Variants in MAGI2 observed in about 807,000 individuals in gnomAD.
The protein encoded by MAGI2 is membrane-associated guanylate kinase, WW and PDZ domain-containing protein 2.
Under a neutral mutation model 133.3 loss-of-function variants are expected in MAGI2, and 35 were observed. The ratio of observed to expected loss-of-function variants is 0.26; its 90% CI spans 0.20 to 0.35. MAGI2 has a LOEUF of 0.35. Ranked by LOEUF, MAGI2 falls within the 10% of genes least tolerant of loss-of-function variation. MAGI2 has a pLI of 1.00. For synonymous variants in MAGI2, 729 were observed against 710.6 expected, an observed-to-expected ratio of 1.03 and a Z score of -0.41; for missense variants, 1,636 against 1,863.4, an observed-to-expected ratio of 0.88 and a Z score of 2.25.
chr7:78,045,232 G>A (rs1584931828), intron 21 of MAGI2, among the ~76,000 whole-genome samples: 1 of 149,700 alleles, frequency 6.7e-6, no homozygotes, highest in Non-Finnish European at 1.5e-5. Context: ...ATCTAAGGAT[G>A]TACTTAAATT....
At chr7:79,425,556 T>A (rs892276432) in intron 1 of MAGI2, among the ~76,000 whole-genome samples, 1 of 131,448 alleles carries the variant, frequency 7.6e-6, no homozygotes, top group Non-Finnish European at 1.5e-5. Context: ...TAGTCAGAAC[T>A]GTTTTGCAGA....
At chr7:78,064,731 G>A (rs1443695321) in intron 21 of MAGI2, among the ~76,000 whole-genome samples, 1 of 152,080 alleles carries the variant, frequency 6.6e-6, no homozygotes. Context: ...GTTAAATTGC[G>A]GCAGTAGCTA....
chr7:78,869,203 G>T (rs1323423901), intron 2 of MAGI2, among the ~76,000 whole-genome samples: 1 of 152,098 alleles, frequency 6.6e-6, no homozygotes, highest in East Asian at 1.9e-4. Flanking sequence ...TGTTTATTTT[G>T]CTGTGCAGAA....
At chr7:78,174,172 C>T (rs1224299723) in intron 14 of MAGI2, among the ~76,000 whole-genome samples, 4 of 152,128 alleles carry the variant, frequency 2.6e-5, no homozygotes, top group Non-Finnish European at 5.9e-5. Flanking sequence ...TCTTCAATTC[C>T]ATTTAATAAA....
chr7:78,126,871 T>C (rs1821038932), intron 19 of MAGI2, among the ~76,000 whole-genome samples: 1 of 152,220 alleles, frequency 6.6e-6, no homozygotes. Flanking sequence ...AGGTCCCAGG[T>C]TAGAGCATTT....
intron 2 of MAGI2, among the ~76,000 whole-genome samples, chr7:78,779,780 A>C (rs980510416): frequency 1.3e-5 from 2 of 152,186 alleles, no homozygotes; most frequent in African/African-American, 4.8e-5. Flanking sequence ...CCATTACCTC[A>C]ACCTGACTCT....
chr7:79,178,278 A>G (rs1585128221), intron 1 of MAGI2, among the ~76,000 whole-genome samples: 1 of 152,008 alleles, frequency 6.6e-6, no homozygotes, highest in African/African-American at 2.4e-5. Context: ...AAAACAGCAG[A>G]TACGTTCTAG....
chr7:79,106,933 T>C (rs1818499242), intron 1 of MAGI2, among the ~76,000 whole-genome samples: 1 of 152,226 alleles, frequency 6.6e-6, no homozygotes, highest in African/African-American at 2.4e-5. Flanking sequence ...GTTTTATGCC[T>C]CTGTACCAGC....
At chr7:78,594,545 C>T (rs1475289520) in intron 3 of MAGI2, among the ~76,000 whole-genome samples, 2 of 152,166 alleles carry the variant, frequency 1.3e-5, no homozygotes, top group Non-Finnish European at 2.9e-5. Context: ...GCAAACTCTG[C>T]CTCCCGGGTT....
At chr7:79,402,636 A>G (rs1845546479) in intron 1 of MAGI2, among the ~76,000 whole-genome samples, 1 of 152,128 alleles carries the variant, frequency 6.6e-6, no homozygotes, top group South Asian at 2.1e-4. Context: ...AAAATGAACT[A>G]CTACTATTAT....
chr7:78,804,605 C>G (rs1165690946), intron 2 of MAGI2, among the ~76,000 whole-genome samples: 1 of 150,978 alleles, frequency 6.6e-6, no homozygotes. Context: ...AAAAATTAGC[C>G]GGGCATGGTG....
At chr7:78,791,883 G>A (rs1200065582) in intron 2 of MAGI2, among the ~76,000 whole-genome samples, 1 of 151,742 alleles carries the variant, frequency 6.6e-6, no homozygotes, top group Non-Finnish European at 1.5e-5. Flanking sequence ...CACAGTAGGG[G>A]GTAGGTCAAA....
At chr7:78,909,602 CAAAAAA>C (rs1237807866) in intron 2 of MAGI2, among the ~76,000 whole-genome samples, 1 of 42,160 alleles carries the variant, frequency 2.4e-5, no homozygotes, top group Admixed American at 3.3e-4. Context: ...GACTCCATCT[CAAAAAA>C]AAAAAAAAAA....
chr7:78,943,438 G>A (rs928230595), intron 2 of MAGI2, among the ~76,000 whole-genome samples: 1 of 152,040 alleles, frequency 6.6e-6, no homozygotes, highest in Non-Finnish European at 1.5e-5. Context: ...CTAAGGATGC[G>A]GTACTAATTT....
chr7:78,072,171 C>G (rs1309661808), intron 21 of MAGI2, among the ~76,000 whole-genome samples: 1 of 152,102 alleles, frequency 6.6e-6, no homozygotes, highest in Non-Finnish European at 1.5e-5. Context: ...AGATTTACCC[C>G]CACTCAGCAA....
intron 2 of MAGI2, among the ~76,000 whole-genome samples, chr7:79,000,971 T>C (rs1806799099): frequency 6.6e-6 from 1 of 152,268 alleles, no homozygotes; most frequent in African/African-American, 2.4e-5. Context: ...GGCTGGAGTA[T>C]AGTAGCATGA....
At chr7:79,221,053 A>G (rs1265248681) in intron 1 of MAGI2, among the ~76,000 whole-genome samples, 1 of 151,966 alleles carries the variant, frequency 6.6e-6, no homozygotes, top group Admixed American at 6.6e-5. Context: ...ACCTGATGGT[A>G]GAAGGGTTTT....
intron 2 of MAGI2, among the ~76,000 whole-genome samples, chr7:78,633,654 A>G (rs11765449): frequency 0.045 from 6,549 of 147,080 alleles, 196 homozygotes; most frequent in East Asian, 0.077. Context: ...TGCAGTGAGC[A>G]GAGATCGCGC....
At chr7:79,163,657 A>T (rs1824631684) in intron 1 of MAGI2, among the ~76,000 whole-genome samples, 1 of 152,096 alleles carries the variant, frequency 6.6e-6, no homozygotes. Context: ...AACCCTGATA[A>T]GGAAGGTAAA....
Sources: allele counts gnomAD v4.1 joint callset (sites outside exome capture counted in the v4.1 genomes callset), GRCh38; gene constraint gnomAD v4.1.1; transcripts MANE v1.5; gene names NCBI Gene and HGNC (gene_info 2026-07-23, HGNC 2026-07-21).